The following POLR1D variants were observed in gnomAD, a reference collection of about 807,000 sequenced individuals.
The protein encoded by POLR1D is DNA-directed RNA polymerases I and III subunit RPAC2.
Under a neutral mutation model 10.8 loss-of-function variants are expected in POLR1D, and 8 were observed. The observed-to-expected ratio is 0.74, with a 90% CI of 0.43 to 1.33. The LOEUF (loss-of-function observed/expected upper bound fraction) is 1.33, where lower values mean the gene tolerates loss of function less well. Among genes scored for constraint, POLR1D ranks in the 40% most tolerant of loss-of-function variants. The pLI, the probability that POLR1D is intolerant of heterozygous loss-of-function variation, is 0.01. For synonymous variants in POLR1D, 54 were observed against 57.2 expected, an observed-to-expected ratio of 0.94 and a Z score of 0.25; for missense variants, 152 against 161.7, an observed-to-expected ratio of 0.94 and a Z score of 0.32.
chr13:27,630,989 C>T (rs999076015), intron 1 of POLR1D, among the ~76,000 whole-genome samples: 1 of 152,238 alleles, frequency 6.6e-6, no homozygotes, highest in African/African-American at 2.4e-5. Flanking sequence ...TTGCCCTTTA[C>T]TTCCCGAACC....
chr13:27,662,044 T>C (rs1423609438), intron 2 of POLR1D, among the ~76,000 whole-genome samples: 1 of 152,234 alleles, frequency 6.6e-6, no homozygotes, highest in Non-Finnish European at 1.5e-5. Context: ...TGGAAACTTA[T>C]GTAAAATGTC....
At chr13:27,631,130 A>G (rs989798527) in intron 1 of POLR1D, among the ~76,000 whole-genome samples, 9 of 152,222 alleles carry the variant, frequency 5.9e-5, no homozygotes, top group African/African-American at 2.2e-4. Flanking sequence ...GAAAGCAACA[A>G]ATACATCTCA....
At chr13:27,626,598 T>C (rs978090060), downstream of POLR1D, among the ~76,000 whole-genome samples, 9 of 152,234 alleles carry the variant, frequency 5.9e-5, no homozygotes, top group South Asian at 2.1e-4. Context: ...GTGAATCTTA[T>C]ACATCCTGTG....
intron 2 of POLR1D, among the ~76,000 whole-genome samples, chr13:27,659,388 T>C (rs2138570595): frequency 6.6e-6 from 1 of 152,338 alleles, no homozygotes; most frequent in Middle Eastern, 3.4e-3. Context: ...AGACGATTCG[T>C]GGAGGAGGCT....
At position 27,660,064 on chromosome 13, in the gene POLR1D, G is replaced by T. The variant is rs374231469; in HGVS notation, c.102-5622G>T. Reference sequence around the variant, plus strand: ...GGACTGTTGTACACAGTAATTAAGGGTTAACAGCTTACTAATAGGGATTAT... The same window carrying T: ...GGACTGTTGTACACAGTAATTAAGGTTTAACAGCTTACTAATAGGGATTAT... On this transcript the variant is annotated intron_variant, in intron 2 of 2. Transcript: ENST00000399697. 3.9e-5 allele frequency among the ~76,000 whole-genome samples: 6 copies of T among 152,196 alleles called. No individual in the cohort carries two copies. In the East Asian group the frequency reaches 5.8e-4, roughly 15 times the overall value.
chr13:27,650,440 C>T (rs554148381), intron 2 of POLR1D: 78 of 179,472 alleles, frequency 4.3e-4, no homozygotes, highest in Non-Finnish European at 2.4e-4. Flanking sequence ...ACTGATACCA[C>T]GTAACCCAAA....
chr13:27,663,726 C>T lies in POLR1D; in HGVS notation c.102-1960C>T, dbSNP rs1956387499. ...CATCACGTCTGGGAAAAGTACCCTT[C>T]CTTGTTGTTTAATGCAGAGAAGAAC... On this transcript the variant is annotated intron_variant, in intron 2 of 2. Transcript: ENST00000399697. This position sits in a 1 kb window ranked among gnomAD's most constrained non-coding sequence, Gnocchi z 4.1. Among the ~76,000 whole-genome samples the T allele has an allele frequency of 6.8e-6, 1 of 147,138 alleles. No individual in the cohort carries two copies. Among genetic ancestry groups the T allele is most frequent in the African/African-American group, 2.5e-5 (1 of 40,570 alleles).
chr13:27,622,440 C>T (rs1038830162), intron 1 of POLR1D: 2 of 289,472 alleles, frequency 6.9e-6, no homozygotes, highest in Non-Finnish European at 1.3e-5. Flanking sequence ...GTTTCCTTCT[C>T]TTGCAAAATG....
At chr13:27,648,317 G>T in intron 1 of POLR1D, 3 of 1,086,520 alleles carry the variant, frequency 2.8e-6, no homozygotes, top group South Asian at 1.3e-5. Flanking sequence ...GACCTGGAAT[G>T]AATTGATTTT....
chr13:27,648,595 C>T lies in POLR1D; in HGVS notation c.101+142C>T, dbSNP rs1438360584. On this transcript the variant is annotated intron_variant, in intron 2 of 2. Transcript: ENST00000399697. ...TCTCAGAGACAAGTGTAGAGTAAGA[C>T]ACTGCTGAGAACTGAATGTTGAGAA... 4.8e-6 allele frequency: 3 copies of T among 620,522 alleles called. No individual in the cohort carries two copies. In the African/African-American group the frequency reaches 5.6e-5, roughly 12 times the overall value. The allele number at this position is 620,522 out of a possible 1,614,324, so 38.4% of individuals were successfully genotyped here. A position where few individuals can be genotyped will look rare whatever the true frequency, so the allele number is the denominator to read the frequency against.
chr13:27,641,798 G>A lies in POLR1D; in HGVS notation c.27-6581G>A, dbSNP rs1248313761. 3.3e-5 allele frequency among the ~76,000 whole-genome samples: 5 copies of A among 152,288 alleles called. No homozygotes were observed. In the South Asian group the frequency reaches 8.3e-4, roughly 25 times the overall value. On this transcript the variant is annotated intron_variant, in intron 1 of 2. Coordinates refer to the POLR1D transcript ENST00000399697. Reference sequence around the variant, plus strand: ...GTGAGAGCTGAGTGTCTGGTGTAAAGGTTGTGAGTGGAGAGTGATTTGGAC... The same window carrying A: ...GTGAGAGCTGAGTGTCTGGTGTAAAAGTTGTGAGTGGAGAGTGATTTGGAC...
intron 1 of POLR1D, among the ~76,000 whole-genome samples, chr13:27,647,619 A>G (rs1259103594): frequency 3.3e-5 from 5 of 152,142 alleles, no homozygotes; most frequent in South Asian, 2.1e-4. Flanking sequence ...TATACTGAAT[A>G]TGTTATGAGT....
intron 2 of POLR1D, chr13:27,665,458 A>G: frequency 1.8e-6 from 1 of 556,910 alleles, no homozygotes; most frequent in Non-Finnish European, 3.2e-6. Flanking sequence ...AGGAAGGAAG[A>G]AAGGTTTAAA....
chr13:27,623,604 CTG>C (rs1164916408), downstream of POLR1D, among the ~76,000 whole-genome samples: 1 of 152,080 alleles, frequency 6.6e-6, no homozygotes, highest in African/African-American at 2.4e-5. Flanking sequence ...ATATCCATGT[CTG>C]TAGTTGGAGT....
rs368524929 is a variant in POLR1D, at chr13:27,665,916, G to C, written c.332G>C (p.Ser111Thr). 5.6e-6 allele frequency: 9 copies of C among 1,614,084 alleles called. No individual in the cohort carries two copies. The African/African-American group carries it at 6.7e-5, about 12-fold the overall frequency. The change falls in exon 3 of 3, where the codon AGC becomes ACC. Residue 111 changes from serine (S) to threonine (T), a missense_variant. By Grantham distance (58) the Ser-to-Thr change is moderately conservative. Transcript: ENST00000399697. ...TACTCCCCGCCACGAAAGCGGAGCAGCCAGGACAAGTACGAAAAGCGGTCC... is the reference window on the plus strand; with the variant it reads ...TACTCCCCGCCACGAAAGCGGAGCACCCAGGACAAGTACGAAAAGCGGTCC...
At chr13:27,636,574 A>G (rs1220593239) in intron 1 of POLR1D, among the ~76,000 whole-genome samples, 1 of 152,242 alleles carries the variant, frequency 6.6e-6, no homozygotes, top group East Asian at 1.9e-4. Context: ...AGCAAACGCT[A>G]AGAGAGAATT....
At chr13:27,637,460 G>T (rs892842931) in intron 1 of POLR1D, among the ~76,000 whole-genome samples, 25 of 152,158 alleles carry the variant, frequency 1.6e-4, no homozygotes, top group Admixed American at 7.9e-4. Flanking sequence ...TTGCACAGTT[G>T]TGCACTTTTG....
chr13:27,647,028 A>G (rs548176582), intron 1 of POLR1D, among the ~76,000 whole-genome samples: 3 of 152,260 alleles, frequency 2.0e-5, no homozygotes, highest in South Asian at 4.1e-4. Flanking sequence ...TCAAAAATTC[A>G]TGATTAGATT....
intron 2 of POLR1D, among the ~76,000 whole-genome samples, chr13:27,655,859 G>A (rs931885356): frequency 3.5e-5 from 5 of 142,712 alleles, no homozygotes; most frequent in Admixed American, 2.7e-4. Flanking sequence ...GGAAGGAAGG[G>A]AGTGGAGAAG....
Sources: allele counts gnomAD v4.1 joint callset (sites outside exome capture counted in the v4.1 genomes callset), GRCh38; gene constraint gnomAD v4.1.1; non-coding constraint Gnocchi (gnomAD v3.1); transcripts MANE v1.5; gene names NCBI Gene and HGNC (gene_info 2026-07-23, HGNC 2026-07-21).